Variants in AK5 observed in about 807,000 individuals in gnomAD.
The protein encoded by AK5 is adenylate kinase 5, also known as adenylate kinase isoenzyme 5.
AK5 carries 27 observed loss-of-function variants against 69.5 expected under a neutral mutation model. The observed-to-expected ratio is 0.39, with a 90% CI of 0.29 to 0.54. AK5 has a LOEUF of 0.54. Among genes scored for constraint, AK5 ranks in the 20% least tolerant of loss-of-function variants. The pLI, the probability that AK5 is intolerant of heterozygous loss-of-function variation, is 0.71. For synonymous variants in AK5, 260 were observed against 244.4 expected (o/e 1.06, Z -0.60); for missense variants, 531 against 700.4 (o/e 0.76, Z 2.73).
At chr1:77,492,193 T>A (rs1296885620) in intron 10 of AK5, among the ~76,000 whole-genome samples, 5 of 152,178 alleles carry the variant, frequency 3.3e-5, no homozygotes, top group Non-Finnish European at 4.4e-5. Context: ...TCACACAAAA[T>A]ATTAAAATGA....
At chr1:77,305,383 T>C (rs1048824318) in intron 5 of AK5, among the ~76,000 whole-genome samples, 1 of 152,198 alleles carries the variant, frequency 6.6e-6, no homozygotes, top group Non-Finnish European at 1.5e-5. Flanking sequence ...CCTGTGCTTA[T>C]GGGATATTGC....
chr1:77,348,350 T>TG (rs1662016180), intron 6 of AK5, among the ~76,000 whole-genome samples: 1 of 152,212 alleles, frequency 6.6e-6, no homozygotes, highest in Non-Finnish European at 1.5e-5. Flanking sequence ...GTTTTGTCCT[T>TG]GCGATAGTTT....
intron 6 of AK5, among the ~76,000 whole-genome samples, chr1:77,398,372 G>C (rs1336495565): frequency 1.3e-5 from 2 of 152,030 alleles, no homozygotes; most frequent in African/African-American, 2.4e-5. Flanking sequence ...ATTAGGAGAG[G>C]TACCAATGTC....
chr1:77,518,641 G>A lies in AK5; in HGVS notation c.1225G>A (p.Glu409Lys), dbSNP rs753242028. Residue 409 changes from glutamate (E) to lysine (K), a missense_variant, in exon 11 of 14, where the codon GAG becomes AAG. Physicochemically the swap from Glu to Lys is moderately conservative, Grantham distance 56. Coordinates refer to ENST00000354567, the MANE Select transcript of AK5 (RefSeq NM_174858.3). ...KYGFTHLSTG[E>K]LLREELASES... ...TGGATTTACACATCTCTCAACTGGCGAGCTCCTGCGTGAGGAACTGGCATC... is the reference window on the plus strand; with the variant it reads ...TGGATTTACACATCTCTCAACTGGCAAGCTCCTGCGTGAGGAACTGGCATC... 1.3e-5 allele frequency: 21 copies of A among 1,614,024 alleles called. No homozygotes were observed. Among genetic ancestry groups the A allele is most frequent in the South Asian group, 8.8e-5 (8 of 91,086 alleles).
intron 6 of AK5, among the ~76,000 whole-genome samples, chr1:77,359,767 T>C (rs1356315034): frequency 6.6e-6 from 1 of 152,254 alleles, no homozygotes; most frequent in African/African-American, 2.4e-5. Context: ...TCGCTAGCTT[T>C]ACTTCACATT....
At chr1:77,402,636 T>TA (rs1213409493) in intron 6 of AK5, among the ~76,000 whole-genome samples, 84 of 152,198 alleles carry the variant, frequency 5.5e-4, no homozygotes, top group Non-Finnish European at 8.8e-4. Flanking sequence ...CATCATTTTT[T>TA]ATGGCTGCAT....
At chr1:77,515,105 T>C (rs1054287762) in intron 10 of AK5, among the ~76,000 whole-genome samples, 4 of 152,200 alleles carry the variant, frequency 2.6e-5, no homozygotes, top group African/African-American at 9.6e-5. Context: ...GCTGCTTCTT[T>C]AAGTGGTCTG....
At chr1:77,518,265 T>A (rs1398891594) in intron 10 of AK5, among the ~76,000 whole-genome samples, 5 of 152,198 alleles carry the variant, frequency 3.3e-5, no homozygotes. Flanking sequence ...GCTGTACTCA[T>A]CTTCACTAAC....
At chr1:77,504,652 T>C (rs1376354323) in intron 10 of AK5, among the ~76,000 whole-genome samples, 4 of 152,176 alleles carry the variant, frequency 2.6e-5, no homozygotes, top group Non-Finnish European at 4.4e-5. Flanking sequence ...TTTCACTAAT[T>C]GGACGCATGT....
intron 13 of AK5, among the ~76,000 whole-genome samples, chr1:77,545,110 A>G (rs146676612): frequency 1.3e-5 from 2 of 152,212 alleles, no homozygotes; most frequent in African/African-American, 4.8e-5. Flanking sequence ...GTGCATGACT[A>G]TATATACCCA....
chr1:77,442,337 G>A (rs556975012), intron 8 of AK5, among the ~76,000 whole-genome samples: 3 of 152,294 alleles, frequency 2.0e-5, no homozygotes, highest in South Asian at 4.1e-4. Flanking sequence ...GGCACAGAGG[G>A]TGGGGCTCCT....
intron 6 of AK5, among the ~76,000 whole-genome samples, chr1:77,395,839 A>G (rs943607620): frequency 2.0e-5 from 3 of 152,184 alleles, no homozygotes; most frequent in African/African-American, 4.8e-5. Flanking sequence ...AGCATCGTCT[A>G]TTTCTTCTCG....
chr1:77,413,391 AC>A (rs1349020565), intron 7 of AK5, among the ~76,000 whole-genome samples: 1 of 152,038 alleles, frequency 6.6e-6, no homozygotes, highest in African/African-American at 2.4e-5. Flanking sequence ...ACTTTCTCAG[AC>A]CCCACCCCAG....
intron 8 of AK5, among the ~76,000 whole-genome samples, chr1:77,480,162 T>C (rs1655175447): frequency 6.6e-6 from 1 of 150,698 alleles, no homozygotes; most frequent in African/African-American, 2.5e-5. Flanking sequence ...GTGTGTAAGA[T>C]GCCAGATTAA....
chr1:77,526,054 T>TATTA (rs1287462039), intron 12 of AK5, among the ~76,000 whole-genome samples: 1 of 152,164 alleles, frequency 6.6e-6, no homozygotes, highest in African/African-American at 2.4e-5. Flanking sequence ...ATCTTAGCAA[T>TATTA]ATTAAGCCTT....
intron 5 of AK5, among the ~76,000 whole-genome samples, chr1:77,327,266 C>T (rs958285843): frequency 1.3e-5 from 2 of 151,950 alleles, no homozygotes; most frequent in African/African-American, 4.8e-5. Context: ...GTGGCATGCA[C>T]CAGTAGTCCC....
intron 13 of AK5, among the ~76,000 whole-genome samples, chr1:77,556,143 T>C (rs1042588602): frequency 1.3e-5 from 2 of 152,232 alleles, no homozygotes; most frequent in Non-Finnish European, 2.9e-5. Flanking sequence ...AAAAGTAGTA[T>C]GTAGAGTTTG....
At chr1:77,340,662 A>T (rs1424706442) in intron 6 of AK5, 94 bp downstream of exon 6, 4 of 1,240,384 alleles carry the variant, frequency 3.2e-6, no homozygotes, top group East Asian at 2.5e-5. Flanking sequence ...TCTTTACCTT[A>T]AAAAGTGGCT....
At chr1:77,496,696 G>A (rs903699439) in intron 10 of AK5, among the ~76,000 whole-genome samples, 4 of 152,174 alleles carry the variant, frequency 2.6e-5, no homozygotes, top group Admixed American at 6.5e-5. Flanking sequence ...GGGCTTCTGG[G>A]TTGGGTGGGG....
Sources: allele counts gnomAD v4.1 joint callset (sites outside exome capture counted in the v4.1 genomes callset), GRCh38; gene constraint gnomAD v4.1.1; transcripts MANE v1.5; gene names NCBI Gene and HGNC (gene_info 2026-07-23, HGNC 2026-07-21).